Variants in RYR1 observed in about 807,000 individuals in gnomAD.
RYR1 encodes the protein central core disease of muscle.
Under a neutral mutation model 583.5 loss-of-function variants are expected in RYR1, and 342 were observed. That is an observed-to-expected ratio of 0.59 (90% CI 0.54 to 0.64). The LOEUF (loss-of-function observed/expected upper bound fraction) is 0.64. Among genes scored for constraint, RYR1 ranks in the 30% least tolerant of loss-of-function variants. The pLI is 0.00. For missense variants in RYR1, 6,032 were observed against 6,917.2 expected, an observed-to-expected ratio of 0.87 and a Z score of 4.54; for synonymous variants, 2,791 against 2,822.5, an observed-to-expected ratio of 0.99 and a Z score of 0.35.
At chr19:38,519,637 A>G (rs187766150) in intron 67 of RYR1, among the ~76,000 whole-genome samples, 183 bp downstream of exon 67, 6 of 151,174 alleles carry the variant, frequency 4.0e-5, no homozygotes, top group Admixed American at 1.3e-4. Context: ...CAGCCAGCCC[A>G]CTTGTTTGTT....
intron 89 of RYR1, among the ~76,000 whole-genome samples, chr19:38,553,889 A>G (rs1972769852): frequency 6.6e-6 from 1 of 152,226 alleles, no homozygotes. Context: ...TTCTGGAGAT[A>G]TAGGAAGTGT....
rs996409445 is a variant in RYR1 at position 38,520,112 on chromosome 19, G to C, written c.10259+658G>C. On this transcript the variant is annotated intron_variant, in intron 67 of 105. Coordinates refer to ENST00000359596, the MANE Select transcript of RYR1 (RefSeq NM_000540.3). Reference sequence around the variant, plus strand: ...TTTTATTGAGACAGGGTCTCTCTCTGTTGCCCAGGCTGGAGTGCTGTGGCA... The same window carrying C: ...TTTTATTGAGACAGGGTCTCTCTCTCTTGCCCAGGCTGGAGTGCTGTGGCA... Among the ~76,000 whole-genome samples the C allele has an allele frequency of 3.1e-5, 4 of 127,976 alleles. No homozygotes were observed. In the East Asian group the frequency reaches 9.2e-4, roughly 29 times the overall value. The allele number at this position is 127,976 out of a possible 152,430, so 84.0% of individuals were successfully genotyped here.
intron 31 of RYR1, among the ~76,000 whole-genome samples, chr19:38,478,850 C>A (rs753597065): frequency 2.6e-5 from 4 of 152,212 alleles, no homozygotes; most frequent in African/African-American, 7.2e-5. Flanking sequence ...TCACTGCAAC[C>A]TTCGCCTCCT....
At chr19:38,458,985 C>T (rs531843215) in intron 18 of RYR1, among the ~76,000 whole-genome samples, 161 bp from the exon 19 acceptor site, 1 of 152,286 alleles carries the variant, frequency 6.6e-6, no homozygotes, top group East Asian at 1.9e-4. Flanking sequence ...CTGACCTCTG[C>T]CCTTCATTTC....
chr19:38,468,120 CCATT>C (rs1380334239), intron 25 of RYR1, among the ~76,000 whole-genome samples: 2 of 151,002 alleles, frequency 1.3e-5, no homozygotes, highest in East Asian at 3.9e-4. Context: ...AACCAACCAT[CCATT>C]CATCCAGCCA....
At position 38,566,943 on chromosome 19, in the gene RYR1, GCCAGAGCCCGAGCCGGAA is replaced by G. The variant is rs762301240; in HGVS notation, c.13478_13495del (p.Pro4493_Glu4498del). 6.2e-7 allele frequency: 1 copy of G among 1,606,806 alleles called. No homozygotes were observed. The highest frequency in any genetic ancestry group is 1.7e-5 in the Admixed American group (1 of 58,910). On this transcript the variant is annotated inframe_deletion, in exon 92 of 106. Coordinates refer to ENST00000359596, the MANE Select transcript of RYR1 (RefSeq NM_000540.3). ...GAGTGGAGGAGGAGCTCCCGCCAGA[GCCAGAGCCCGAGCCGGAA>G]CCAGAGCTGGAGCCGGAGAAAGCCG...
In RYR1 at chr19:38,466,334, C is replaced by G; in HGVS notation, c.3114C>G (p.Leu1038=). ...CCAAGCGCAGCAACCGGGACAGCCT[C>G]TGCCAGGCCGTGCGCACCCTCCTGG... ...EATKRSNRDS[L]CQAVRTLLGY... is the part of the protein sequence containing the mutation. Residue 1038 remains leucine, a synonymous_variant, in exon 24 of 106, where the codon CTC becomes CTG. Coordinates refer to ENST00000359596, the MANE Select transcript of RYR1 (RefSeq NM_000540.3). 1 of 1,601,846 alleles carries G rather than the reference C, an allele frequency of 6.2e-7. No individual in the cohort carries two copies. The highest frequency in any genetic ancestry group is 8.5e-7 in the Non-Finnish European group (1 of 1,175,568).
At position 38,496,079 on chromosome 19, in the gene RYR1, T is replaced by G; in HGVS notation, c.6549-136T>G. On this transcript the variant is annotated intron_variant, in intron 39 of 105. Transcript: ENST00000359596. This position sits in a 1 kb window ranked among gnomAD's most constrained non-coding sequence, Gnocchi z 4.8. ...CACCCGGCCAGCTGTAGGAATTGAG[T>G]GAGTTCAGATCTGTAAAGGCGGTGG... The G allele has an allele frequency of 1.3e-6, 1 of 769,906 alleles. No homozygotes were observed. Among genetic ancestry groups the G allele is most frequent in the Admixed American group, 2.0e-5 (1 of 50,134 alleles). 47.7% of individuals were successfully genotyped at this position (769,906 alleles called of 1,614,324 possible).
chr19:38,490,514 G>T, intron 36 of RYR1, 107 bp from the exon 37 acceptor site: 1 of 840,348 alleles, frequency 1.2e-6, no homozygotes, highest in South Asian at 1.4e-5. Flanking sequence ...CTCACACTTC[G>T]ACTCATGACC....
At position 38,483,629 on chromosome 19, in the gene RYR1, A is replaced by G. The variant is rs961770780; in HGVS notation, c.4934+113A>G. The stretch of plus-strand genomic sequence containing the variant: ...ACCCCGGGATTCCAGACTACACCCC[A>G]GGAATCTCCAGACCTACCTCAGGGG... On this transcript the variant is annotated intron_variant, in intron 33 of 105. Transcript: ENST00000359596. The surrounding 1 kb of genome is among the most constrained non-coding windows in gnomAD (Gnocchi z 6.3). The G allele has an allele frequency of 2.2e-6, 2 of 919,412 alleles. No individual in the cohort carries two copies. Among genetic ancestry groups the G allele is most frequent in the Non-Finnish European group, 3.3e-6 (2 of 597,604 alleles). The allele number at this position is 919,412 out of a possible 1,614,324, so 57.0% of individuals were successfully genotyped here.
In RYR1 at chr19:38,500,668, C is replaced by T. The variant is rs751448656; in HGVS notation, c.7386C>T (p.Pro2462=). 1.9e-6 allele frequency: 3 copies of T among 1,614,106 alleles called. No individual in the cohort carries two copies. In the South Asian group the frequency reaches 3.3e-5, roughly 18 times the overall value. The change falls in exon 46 of 106, where the codon CCC becomes CCT. Residue 2462 remains proline, a synonymous_variant. Transcript: ENST00000359596. This position sits in a 1 kb window ranked among gnomAD's most constrained non-coding sequence, Gnocchi z 5.9. ...GCGCCATCCTCCGCTCCCTTGTGCC[C>T]TTGGAGGACCTTGTGGGCATCATCA... is the stretch of plus-strand genomic sequence containing the variant. ...RIRAILRSLV[P]LEDLVGIISL...
chr19:38,582,616 A>G (rs1398273262), intron 101 of RYR1, among the ~76,000 whole-genome samples: 1 of 152,054 alleles, frequency 6.6e-6, no homozygotes, highest in South Asian at 2.1e-4. Context: ...GCGCCACTGC[A>G]CTCCAGCCTG....
At chr19:38,507,017 G>C (rs890139283) in intron 57 of RYR1, 65 bp downstream of exon 57, 1 of 1,609,040 alleles carries the variant, frequency 6.2e-7, no homozygotes, top group Non-Finnish European at 8.5e-7. Context: ...GGCTGGAAGG[G>C]GCGGGGCCAG....
intron 58 of RYR1, among the ~76,000 whole-genome samples, chr19:38,508,605 G>C (rs1307391682): frequency 6.6e-6 from 1 of 152,208 alleles, no homozygotes; most frequent in Non-Finnish European, 1.5e-5. Context: ...GAGGAGCTGT[G>C]TGGACCTCTG....
rs1311799788 is a variant in RYR1 at position 38,440,898 on chromosome 19, G to A, written c.165+34G>A. 6 of 1,599,984 alleles carry A rather than the reference G, an allele frequency of 3.8e-6. No individual in the cohort carries two copies. In the East Asian group the frequency reaches 9.0e-5, roughly 24 times the overall value. On this transcript the variant is annotated intron_variant, in intron 2 of 105. Transcript: ENST00000359596. The stretch of plus-strand genomic sequence containing the variant: ...AGGAGGGAGAGGGGCCTGGGGACAG[G>A]GGCGTCTGAAGGGGCAGAGAATCTT...
chr19:38,567,489 TGAG>T (rs1227544951), intron 92 of RYR1, among the ~76,000 whole-genome samples: 1 of 152,108 alleles, frequency 6.6e-6, no homozygotes, highest in African/African-American at 2.4e-5. Context: ...CCTCCTAAGT[TGAG>T]GAGGTGTCTC....
Position 38,459,451 on chromosome 19 carries a change from C to G in RYR1, c.2360+113C>G, listed in dbSNP as rs1039339092. ...AGGCCAGGACACTGCAGCCTACCAT[C>G]AAGACTGACTGGTGTCCAGAACCCT... is the stretch of plus-strand genomic sequence containing the variant. On this transcript the variant is annotated intron_variant, in intron 19 of 105. Transcript: ENST00000359596. 7.0e-6 allele frequency: 7 copies of G among 993,416 alleles called. No homozygotes were observed. In the Middle Eastern group the frequency reaches 7.7e-4, roughly 109 times the overall value. 61.5% of individuals were successfully genotyped at this position (993,416 alleles called of 1,614,324 possible).
In RYR1 at chr19:38,475,339, G is replaced by T. The variant is rs886054384; in HGVS notation, c.4182G>T (p.Lys1394Asn). The change falls in exon 29 of 106, where the codon AAG (lysine) becomes AAT (asparagine). Residue 1394 changes from lysine (K) to asparagine (N), a missense_variant. Physicochemically the swap from Lys to Asn is moderately conservative, Grantham distance 94. This residue lies in a region of RYR1 where 2,627 missense variants were observed against 2,961.3 expected (regional missense o/e 0.89). Transcript: ENST00000359596. ...KKRGFLFKAK[K>N]VAMMTQPPAT... is the part of the protein sequence containing the mutation. The stretch of plus-strand genomic sequence containing the variant: ...CCAGCTTCTTATTCAAGGCCAAGAA[G>T]GTCGCCATGATGACCCAGCCACCGG... 1.1e-5 allele frequency: 17 copies of T among 1,601,730 alleles called. No homozygotes were observed. Among genetic ancestry groups the T allele is most frequent in the Non-Finnish European group, 1.4e-5 (17 of 1,173,964 alleles).
chr19:38,447,067 A>G (rs1010050785), intron 9 of RYR1, among the ~76,000 whole-genome samples: 2 of 152,106 alleles, frequency 1.3e-5, no homozygotes, highest in African/African-American at 4.8e-5. Flanking sequence ...AATAAATAAA[A>G]TAAAGAATTA....
Sources: allele counts gnomAD v4.1 joint callset (sites outside exome capture counted in the v4.1 genomes callset), GRCh38; gene constraint gnomAD v4.1.1; regional missense constraint gnomAD v4.1.1; non-coding constraint Gnocchi (gnomAD v3.1); transcripts MANE v1.5; gene names NCBI Gene and HGNC (gene_info 2026-07-23, HGNC 2026-07-21).